HECTD2: variants seen among roughly 807,000 people sequenced by gnomAD.
HECTD2 encodes HECT domain E3 ubiquitin protein ligase 2, also known as probable E3 ubiquitin-protein ligase HECTD2.
HECTD2 carries 35 observed loss-of-function variants against 103.2 expected under a neutral mutation model. The observed-to-expected ratio is 0.34, with a 90% CI of 0.26 to 0.45. The LOEUF is 0.45. HECTD2 is among the 20% of genes least tolerant of loss of function. The pLI is 1.00. For missense variants in HECTD2, 596 were observed against 937.4 expected (o/e 0.64, Z 4.76); for synonymous variants, 281 against 329.9 (o/e 0.85, Z 1.61).
chr10:91,490,890 CAAAAAA>C (rs61035151), intron 11 of HECTD2, among the ~76,000 whole-genome samples: 1 of 13,602 alleles, frequency 7.4e-5, no homozygotes, highest in Non-Finnish European at 1.5e-4. Context: ...GACTCCGTCT[CAAAAAA>C]AAAAAAAAAA....
At chr10:91,461,635 G>A (rs189966431) in intron 4 of HECTD2, among the ~76,000 whole-genome samples, 1 of 152,134 alleles carries the variant, frequency 6.6e-6, no homozygotes, top group East Asian at 1.9e-4. Flanking sequence ...TGCAACCTCT[G>A]CCTCCTGGGT....
chr10:91,478,457 G>A (rs1845984526), intron 6 of HECTD2, among the ~76,000 whole-genome samples, 192 bp downstream of exon 6: 1 of 152,092 alleles, frequency 6.6e-6, no homozygotes, highest in Admixed American at 6.5e-5. Context: ...CCTCTCAGTA[G>A]GATCTATAGA....
intron 2 of HECTD2, among the ~76,000 whole-genome samples, chr10:91,459,967 A>T (rs1845273173): frequency 6.6e-6 from 1 of 152,120 alleles, no homozygotes; most frequent in Non-Finnish European, 1.5e-5. Context: ...AGTACATTGT[A>T]TGATGTCCAC....
intron 7 of HECTD2, among the ~76,000 whole-genome samples, chr10:91,481,795 A>G (rs1846094763): frequency 6.6e-6 from 1 of 151,818 alleles, no homozygotes; most frequent in African/African-American, 2.4e-5. Context: ...TTTACAATTT[A>G]TAAAAGTTGT....
At chr10:91,486,385 A>G (rs1234780300) in intron 10 of HECTD2, 1 of 152,224 alleles carries the variant, frequency 6.6e-6, no homozygotes, top group African/African-American at 2.4e-5. Flanking sequence ...TACAACCACA[A>G]AACAGCGCCA....
chr10:91,441,886 C>CTTTTTTTTTGT (rs1844401791), intron 2 of HECTD2, among the ~76,000 whole-genome samples: 2 of 81,950 alleles, frequency 2.4e-5, no homozygotes, highest in Non-Finnish European at 4.4e-5. Flanking sequence ...GCAACCCTTG[C>CTTTTTTTTTGT]TTTTTTTTTT....
intron 2 of HECTD2, among the ~76,000 whole-genome samples, chr10:91,444,351 A>T (rs1454355654): frequency 6.6e-6 from 1 of 152,204 alleles, no homozygotes; most frequent in Non-Finnish European, 1.5e-5. Context: ...GAGAGTGGAG[A>T]GATTCTTACA....
At chr10:91,418,264 C>G (rs1843212107) in intron 1 of HECTD2, among the ~76,000 whole-genome samples, 1 of 152,088 alleles carries the variant, frequency 6.6e-6, no homozygotes, top group Non-Finnish European at 1.5e-5. Flanking sequence ...TAGTATTTTA[C>G]TGTATAACCA....
At chr10:91,419,507 G>A (rs1001836026) in intron 1 of HECTD2, among the ~76,000 whole-genome samples, 1 of 151,912 alleles carries the variant, frequency 6.6e-6, no homozygotes, top group Non-Finnish European at 1.5e-5. Flanking sequence ...GACCATTGAA[G>A]CCCACATTAG....
intron 2 of HECTD2, among the ~76,000 whole-genome samples, chr10:91,454,574 CT>C (rs914013359): frequency 4.3e-4 from 64 of 147,926 alleles, no homozygotes; most frequent in African/African-American, 1.3e-3. Flanking sequence ...TGGAAAGTGT[CT>C]TTTTTTTTTA....
intron 4 of HECTD2, 136 bp downstream of exon 4, chr10:91,461,492 T>C: frequency 4.7e-6 from 2 of 423,806 alleles, no homozygotes; most frequent in South Asian, 9.7e-5. Context: ...AATTATACAA[T>C]ACATACAATT....
At chr10:91,508,286 C>T (rs1409105709) in intron 20 of HECTD2, among the ~76,000 whole-genome samples, 1 of 138,390 alleles carries the variant, frequency 7.2e-6, no homozygotes, top group African/African-American at 2.8e-5. Flanking sequence ...TCTAATTAAA[C>T]TAAAGAGCTT....
chr10:91,461,178 T>C (rs965268410), intron 3 of HECTD2, 76 bp from the exon 4 acceptor site: 6 of 648,892 alleles, frequency 9.2e-6, no homozygotes, highest in African/African-American at 2.0e-5. Flanking sequence ...GCATGTTTGG[T>C]GACATTAAAA....
Position 91,499,679 on chromosome 10 carries a change from G to A in HECTD2, c.1950+529G>A, listed in dbSNP as rs116386081. Among the ~76,000 whole-genome samples, 618 of 152,246 alleles carry A rather than the reference G, an allele frequency of 4.1e-3. 5 individuals are homozygous for A. Among genetic ancestry groups the A allele is most frequent in the African/African-American group, 0.014 (588 of 41,552 alleles). On this transcript the variant is annotated intron_variant, in intron 18 of 20. Coordinates refer to ENST00000298068, the MANE Select transcript of HECTD2 (RefSeq NM_182765.6). ...GATCAGCTACTATTTAGAATACCAT[G>A]TCAGAAGTATCATAGGATACCTTTC... is the stretch of plus-strand genomic sequence containing the variant.
intron 2 of HECTD2, among the ~76,000 whole-genome samples, chr10:91,429,295 G>C (rs1843727268): frequency 6.6e-6 from 1 of 152,078 alleles, no homozygotes; most frequent in Non-Finnish European, 1.5e-5. Context: ...TTTTATTGAG[G>C]ATTTTTGCAT....
chr10:91,485,339 T>G, intron 10 of HECTD2, 36 bp downstream of exon 10: 1 of 1,511,774 alleles, frequency 6.6e-7, no homozygotes, highest in Non-Finnish European at 9.0e-7. Context: ...TCCACCTAAA[T>G]GAAATACTAT....
intron 1 of HECTD2, 65 bp from the exon 2 acceptor site, chr10:91,425,216 T>C: frequency 8.1e-7 from 1 of 1,229,432 alleles, no homozygotes; most frequent in Non-Finnish European, 1.1e-6. Context: ...TGTTTGTGAT[T>C]TTTGCAATAA....
chr10:91,430,181 G>A (rs1233834325), intron 2 of HECTD2, among the ~76,000 whole-genome samples: 3 of 151,090 alleles, frequency 2.0e-5, no homozygotes, highest in Admixed American at 6.6e-5. Context: ...CCATGTAGTT[G>A]AGCAGTTTTG....
At chr10:91,504,633 G>C (rs1160595393) in intron 20 of HECTD2, among the ~76,000 whole-genome samples, 1 of 151,936 alleles carries the variant, frequency 6.6e-6, no homozygotes, top group Non-Finnish European at 1.5e-5. Flanking sequence ...TATGTGAAAA[G>C]ACCAAATCTA....
Sources: allele counts gnomAD v4.1 joint callset (sites outside exome capture counted in the v4.1 genomes callset), GRCh38; gene constraint gnomAD v4.1.1; transcripts MANE v1.5; gene names NCBI Gene and HGNC (gene_info 2026-07-23, HGNC 2026-07-21).